The following PSME4 variants were observed in gnomAD, a reference collection of about 807,000 sequenced individuals.
PSME4 encodes the protein proteasome activator subunit 4, also known as proteasome activator complex subunit 4.
A neutral mutation model predicts 253.9 loss-of-function variants in PSME4; 89 were observed. That is an observed-to-expected ratio of 0.35 (90% CI 0.30 to 0.42). PSME4 has a LOEUF of 0.42. Ranked by LOEUF, PSME4 falls within the 10% of genes least tolerant of loss-of-function variation. The pLI is 1.00. For synonymous variants in PSME4, 851 were observed against 759.2 expected, an observed-to-expected ratio of 1.12 and a Z score of -1.99; for missense variants, 2,014 against 2,195.2, an observed-to-expected ratio of 0.92 and a Z score of 1.65.
chr2:53,893,678 A>C lies in PSME4; in HGVS notation c.4034T>G (p.Phe1345Cys). Residue 1345 changes from phenylalanine to cysteine, a missense_variant, in exon 35 of 47, where the codon TTT becomes TGT. Around this residue, in one of 4 missense-constraint regions of PSME4, gnomAD observed 989 missense variants for 1,021.1 expected, o/e 0.97. Coordinates refer to ENST00000404125, the MANE Select transcript of PSME4 (RefSeq NM_014614.3). ...ATATGTAAACAATATAGTTACCTTA[A>C]AGAGGCAAAAACGTCGTGGATTAAA... ...DKFNPRRFCLFKGIFRNFDDA... is the reference protein window; with the variant it reads ...DKFNPRRFCLCKGIFRNFDDA... 1 of 1,609,756 alleles carries C rather than the reference A, an allele frequency of 6.2e-7. No individual in the cohort carries two copies. Among genetic ancestry groups the C allele is most frequent in the Non-Finnish European group, 8.5e-7 (1 of 1,177,636 alleles).
intron 44 of PSME4, among the ~76,000 whole-genome samples, chr2:53,868,531 AATATATATTATAAATATATT>A (rs1558638320): frequency 3.6e-5 from 2 of 55,460 alleles, no homozygotes; most frequent in East Asian, 1.7e-3. Context: ...TAATATATAT[AATATATATTATAAATATATT>A]TATAATATAT....
intron 1 of PSME4, among the ~76,000 whole-genome samples, chr2:53,966,952 C>G (rs1480075375): frequency 2.0e-5 from 3 of 152,148 alleles, no homozygotes; most frequent in African/African-American, 7.2e-5. Context: ...TCTGCCTCGG[C>G]CTCCCAAAGT....
At chr2:53,912,325 T>C (rs541454229) in intron 20 of PSME4, among the ~76,000 whole-genome samples, 4 of 152,322 alleles carry the variant, frequency 2.6e-5, no homozygotes, top group Admixed American at 1.3e-4. Flanking sequence ...AGACTATATA[T>C]AGGACATATC....
At chr2:53,910,041 C>G in intron 21 of PSME4, 34 bp downstream of exon 21, 1 of 1,530,388 alleles carries the variant, frequency 6.5e-7, no homozygotes, top group Non-Finnish European at 9.1e-7. Flanking sequence ...CAAAAATAAT[C>G]CACACAGATT....
At chr2:53,938,510 G>C (rs184329053) in intron 4 of PSME4, among the ~76,000 whole-genome samples, 529 of 145,180 alleles carry the variant, frequency 3.6e-3, no homozygotes, top group Non-Finnish European at 4.0e-3. Context: ...GAGTCTCACT[G>C]TGTTTCCTAG....
Position 53,894,016 on chromosome 2 carries a change from G to A in PSME4, c.3913-217C>T, listed in dbSNP as rs115138369. Among the ~76,000 whole-genome samples the A allele has an allele frequency of 5.4e-3, 826 of 152,204 alleles. 9 individuals are homozygous for A. The highest frequency in any genetic ancestry group is 0.019 in the African/African-American group (786 of 41,544). ...AGTTTTCCTTCAGATTCTCAAGTTT[G>A]AATCCTATTTCTCACACTGTGAATT... is the stretch of plus-strand genomic sequence containing the variant. On this transcript the variant is annotated intron_variant, in intron 34 of 46. Coordinates refer to ENST00000404125, the MANE Select transcript of PSME4 (RefSeq NM_014614.3).
At chr2:53,919,312 G>C (rs1238988342) in intron 19 of PSME4, 66 bp from the exon 20 acceptor site, 1 of 1,476,506 alleles carries the variant, frequency 6.8e-7, no homozygotes. Flanking sequence ...CTAGAGCCTA[G>C]CACAGAAGTT....
At chr2:53,931,486 A>G (rs1668827602) in intron 10 of PSME4, among the ~76,000 whole-genome samples, 2 of 152,226 alleles carry the variant, frequency 1.3e-5, no homozygotes, top group African/African-American at 4.8e-5. Flanking sequence ...CTAAGAAATA[A>G]AAGAAATCCA....
intron 5 of PSME4, 63 bp downstream of exon 5, chr2:53,937,328 T>C: frequency 7.3e-7 from 1 of 1,370,804 alleles, no homozygotes; most frequent in Admixed American, 2.4e-5. Flanking sequence ...ATTGTTTTAC[T>C]AGTTTCTTTA....
chr2:53,924,037 T>C (rs11896464), intron 14 of PSME4, among the ~76,000 whole-genome samples: 2,534 of 152,056 alleles, frequency 0.017, 63 homozygotes, highest in African/African-American at 0.056. Context: ...TTCTGGCTAA[T>C]TGAATATAAC....
Position 53,920,332 on chromosome 2 carries a change from C to G in PSME4, c.2281G>C (p.Asp761His), listed in dbSNP as rs1157695228. The G allele has an allele frequency of 6.2e-7, 1 of 1,612,230 alleles. No individual in the cohort carries two copies. The highest frequency in any genetic ancestry group is 1.1e-5 in the South Asian group (1 of 90,712). ...FPIKDWGKPGDLWNLGIQWHV... is the reference protein window; with the variant it reads ...FPIKDWGKPGHLWNLGIQWHV... ...CACTGGATTCCCAGATTCCACAAGT[C>G]CCCGGGTTTGCCCCAGTCCTAGAAG... The change falls in exon 19 of 47, where the codon GAC becomes CAC. Residue 761 changes from aspartate to histidine, a missense_variant. Coordinates refer to ENST00000404125, the MANE Select transcript of PSME4 (RefSeq NM_014614.3).
chr2:53,908,666 C>A (rs766010554), intron 22 of PSME4, 101 bp from the exon 23 acceptor site: 15 of 1,444,516 alleles, frequency 1.0e-5, no homozygotes, highest in East Asian at 2.3e-5. Context: ...AAAATCACTG[C>A]CCAATATTCT....
chr2:53,876,716 C>CTTTTTTTTTTTTTTTT lies in PSME4; in HGVS notation c.4816-977_4816-962dup, dbSNP rs10599430. Among the ~76,000 whole-genome samples the CTTTTTTTTTTTTTTTT allele has an allele frequency of 5.1e-4, 50 of 97,842 alleles. 5 individuals are homozygous for CTTTTTTTTTTTTTTTT. Among genetic ancestry groups the CTTTTTTTTTTTTTTTT allele is most frequent in the African/African-American group, 1.5e-3 (38 of 25,980 alleles). The allele number at this position is 97,842 out of a possible 152,430, so 64.2% of individuals were successfully genotyped here. On this transcript the variant is annotated intron_variant, in intron 41 of 46. Coordinates refer to ENST00000404125, the MANE Select transcript of PSME4 (RefSeq NM_014614.3). Reference sequence around the variant, plus strand: ...TCTGATGGCTGTAGCCACTGTCATTCTTTTTTTTTTTTTTTTTTTTGAGAC... The same window carrying CTTTTTTTTTTTTTTTT: ...TCTGATGGCTGTAGCCACTGTCATTCTTTTTTTTTTTTTTTTTTTTTTTTTTTTTTTTTTTTGAGAC...
At chr2:53,950,837 G>A (rs1669948159) in intron 1 of PSME4, among the ~76,000 whole-genome samples, 1 of 119,008 alleles carries the variant, frequency 8.4e-6, no homozygotes, top group Non-Finnish European at 1.7e-5. Context: ...GAGAAACTCC[G>A]TCTCAAAAAA....
chr2:53,887,187 T>C, intron 40 of PSME4, 72 bp downstream of exon 40: 2 of 1,334,858 alleles, frequency 1.5e-6, no homozygotes, highest in Non-Finnish European at 2.1e-6. Context: ...ATAAAAAAAG[T>C]GGTGCAAAAA....
intron 1 of PSME4, among the ~76,000 whole-genome samples, chr2:53,963,217 C>T (rs1354706356): frequency 6.6e-6 from 1 of 151,862 alleles, no homozygotes; most frequent in African/African-American, 2.4e-5. Context: ...TCCAAGCTAA[C>T]CAGGAGCCTG....
chr2:53,956,893 C>T (rs1212871666), intron 1 of PSME4, among the ~76,000 whole-genome samples: 8 of 152,184 alleles, frequency 5.3e-5, no homozygotes, highest in Non-Finnish European at 1.0e-4. Context: ...ACTTAAATAA[C>T]GTCTTAAGAG....
At chr2:53,929,686 AC>A (rs1668733197) in intron 10 of PSME4, among the ~76,000 whole-genome samples, 1 of 151,866 alleles carries the variant, frequency 6.6e-6, no homozygotes, top group Non-Finnish European at 1.5e-5. Context: ...ATTTTTTTCT[AC>A]ATTTTTAGTT....
At chr2:53,959,883 A>G (rs1025803963) in intron 1 of PSME4, among the ~76,000 whole-genome samples, 2 of 152,242 alleles carry the variant, frequency 1.3e-5, no homozygotes, top group Admixed American at 6.5e-5. Context: ...TCGCAATCAA[A>G]TAAGACAGTC....
Sources: allele counts gnomAD v4.1 joint callset (sites outside exome capture counted in the v4.1 genomes callset), GRCh38; gene constraint gnomAD v4.1.1; regional missense constraint gnomAD v4.1.1; transcripts MANE v1.5; gene names NCBI Gene and HGNC (gene_info 2026-07-23, HGNC 2026-07-21).